The following SYT7 variants were observed in gnomAD, a reference collection of about 807,000 sequenced individuals.
SYT7 encodes synaptotagmin-7.
Under a neutral mutation model 75.1 loss-of-function variants are expected in SYT7, and 29 were observed. The ratio of observed to expected loss-of-function variants is 0.39; its 90% confidence interval spans 0.29 to 0.53. The LOEUF (loss-of-function observed/expected upper bound fraction) is 0.53, where lower values mean the gene tolerates loss of function less well. Among genes scored for constraint, SYT7 ranks in the 20% least tolerant of loss-of-function variants. The pLI is 0.77. For synonymous variants in SYT7, 376 were observed against 401.7 expected (o/e 0.94, Z 0.76); for missense variants, 693 against 953.2 (o/e 0.73, Z 3.59).
intron 6 of SYT7, among the ~76,000 whole-genome samples, chr11:61,539,235 G>T (rs914881149): frequency 6.6e-6 from 1 of 152,170 alleles, no homozygotes; most frequent in Non-Finnish European, 1.5e-5. Context: ...ACGGGGAGGG[G>T]GTAGGCAAGA....
intron 7 of SYT7, among the ~76,000 whole-genome samples, chr11:61,535,090 C>CAGAGAGACAGAGGTGAGAGGCACAG (rs2062829745): frequency 1.3e-5 from 2 of 152,130 alleles, no homozygotes; most frequent in African/African-American, 4.8e-5. Flanking sequence ...GGTCACAGGA[C>CAGAGAGACAGAGGTGAGAGGCACAG]AGAGAGACAG....
Position 61,523,728 on chromosome 11 carries a change from G to A in SYT7, c.1756+99C>T. 4 of 1,263,764 alleles carry A rather than the reference G, an allele frequency of 3.2e-6. No individual in the cohort carries two copies. The highest frequency in any genetic ancestry group is 4.5e-6 in the Non-Finnish European group (4 of 887,338). 78.3% of individuals were successfully genotyped at this position (1,263,764 alleles called of 1,614,324 possible). A position where few individuals can be genotyped will look rare whatever the true frequency, so the allele number is the denominator to read the frequency against. On this transcript the variant is annotated intron_variant, in intron 11 of 12. Transcript: ENST00000539008. The surrounding 1 kb of genome is among the most constrained non-coding windows in gnomAD (Gnocchi z 5.0). The stretch of plus-strand genomic sequence containing the variant: ...GGAGGTCGGGGTGTGGCGGGTTGGG[G>A]TGAGGACCACTGCAGACCCTGCTCT...
intron 8 of SYT7, among the ~76,000 whole-genome samples, chr11:61,532,263 T>G (rs79977348): frequency 1.3e-5 from 2 of 152,346 alleles, no homozygotes; most frequent in East Asian, 3.9e-4. Flanking sequence ...ACTTCTGAGC[T>G]AATCCCCAGT....
chr11:61,529,545 A>G (rs1287361847), intron 8 of SYT7, among the ~76,000 whole-genome samples: 1 of 152,108 alleles, frequency 6.6e-6, no homozygotes, highest in African/African-American at 2.4e-5. Flanking sequence ...AAGCAGGCCC[A>G]CACCCCAGGG....
At chr11:61,579,913 C>T (rs933544020) in intron 1 of SYT7, among the ~76,000 whole-genome samples, 2 of 152,210 alleles carry the variant, frequency 1.3e-5, no homozygotes, top group Non-Finnish European at 2.9e-5. Context: ...TGGGCAGGAG[C>T]TGCAGGGGAC....
Position 61,551,374 on chromosome 11 carries a change from T to C in SYT7, c.215+10A>G. ...GTGGCCCCATCCCAAACTAGCAGCC[T>C]GGCACCTACTTGATAGCCTTCTTCT... On this transcript the variant is annotated intron_variant, in intron 3 of 12. Coordinates refer to ENST00000539008, the MANE Select transcript of SYT7 (RefSeq NM_001365809.2). The surrounding 1 kb of genome is among the most constrained non-coding windows in gnomAD (Gnocchi z 5.3). The C allele has an allele frequency of 3.1e-6, 5 of 1,613,616 alleles. No homozygotes were observed. The highest frequency in any genetic ancestry group is 4.2e-6 in the Non-Finnish European group (5 of 1,179,870).
intron 3 of SYT7, among the ~76,000 whole-genome samples, chr11:61,548,967 G>A (rs887194487): frequency 1.3e-5 from 2 of 152,196 alleles, no homozygotes; most frequent in African/African-American, 4.8e-5. Flanking sequence ...GGTGGGTATG[G>A]AGGAGGCAGG....
intron 5 of SYT7, among the ~76,000 whole-genome samples, chr11:61,543,772 T>A (rs1211014997): frequency 6.6e-6 from 1 of 152,250 alleles, no homozygotes; most frequent in Non-Finnish European, 1.5e-5. Flanking sequence ...CTTCATGCGC[T>A]GGCTGGAGAT....
At chr11:61,554,898 C>T (rs1055443405) in intron 2 of SYT7, among the ~76,000 whole-genome samples, 3 of 151,620 alleles carry the variant, frequency 2.0e-5, no homozygotes, top group Non-Finnish European at 3.0e-5. Context: ...CCCCAGGGGT[C>T]GGAGCTGCCT....
intron 1 of SYT7, among the ~76,000 whole-genome samples, chr11:61,565,534 C>T (rs1241225657): frequency 2.0e-4 from 30 of 152,340 alleles, no homozygotes; most frequent in East Asian, 1.9e-4. Context: ...TTCCAGGCCA[C>T]CCACCTGGGG....
chr11:61,559,730 A>G (rs151253676), intron 1 of SYT7, among the ~76,000 whole-genome samples: 272 of 152,234 alleles, frequency 1.8e-3, no homozygotes, highest in African/African-American at 6.4e-3. Context: ...ATCCTTCTCA[A>G]AAACCATCCT....
intron 7 of SYT7, among the ~76,000 whole-genome samples, chr11:61,536,854 C>A (rs2062884041): frequency 1.3e-5 from 2 of 152,198 alleles, no homozygotes; most frequent in African/African-American, 4.8e-5. Flanking sequence ...CCTTCTGGCC[C>A]CTAGGGGCCT....
In SYT7 at chr11:61,542,391, G is replaced by A. The variant is rs775612933; in HGVS notation, c.761C>T (p.Ala254Val). The change falls in exon 6 of 13, where the codon GCC becomes GTC. Residue 254 changes from alanine to valine, a missense_variant. Ala to Val is a moderately conservative substitution (Grantham distance 64). Transcript: ENST00000539008. This position sits in a 1 kb window ranked among gnomAD's most constrained non-coding sequence, Gnocchi z 7.8. ...GGGGCCTGGTGCCGAGGCCATGTGGGCCTGCAGCTGGCCCAGGCTCTGGCT... is the reference window on the plus strand; with the variant it reads ...GGGGCCTGGTGCCGAGGCCATGTGGACCTGCAGCTGGCCCAGGCTCTGGCT... ...TTSQSLGQLQ[A>V]HMASAPGPNP... The A allele has an allele frequency of 2.6e-6, 4 of 1,531,522 alleles. No individual in the cohort carries two copies. Among genetic ancestry groups the A allele is most frequent in the Middle Eastern group, 2.1e-4 (1 of 4,676 alleles). The allele number at this position is 1,531,522 out of a possible 1,614,324, so 94.9% of individuals were successfully genotyped here.
intron 1 of SYT7, among the ~76,000 whole-genome samples, chr11:61,569,035 A>C: frequency 6.6e-6 from 1 of 152,158 alleles, no homozygotes; most frequent in East Asian, 1.9e-4. Flanking sequence ...GGGACAAGCC[A>C]GGCAGGGAGT....
In SYT7 at chr11:61,528,285, C is replaced by A. The variant is rs2062591742; in HGVS notation, c.1201-100G>T. On this transcript the variant is annotated intron_variant, in intron 8 of 12. Coordinates refer to ENST00000539008, the MANE Select transcript of SYT7 (RefSeq NM_001365809.2). ...GGGTGAGAGGCCAGAGGCGGTGGCC[C>A]AGCCCACACTCACATCCCACGGACG... 8 of 1,429,254 alleles carry A rather than the reference C, an allele frequency of 5.6e-6. No individual in the cohort carries two copies. In the East Asian group the frequency reaches 1.8e-4, roughly 33 times the overall value. 88.5% of individuals were successfully genotyped at this position (1,429,254 alleles called of 1,614,324 possible). A position where few individuals can be genotyped will look rare whatever the true frequency, so the allele number is the denominator to read the frequency against.
At chr11:61,555,958 G>A (rs1377415893) in intron 2 of SYT7, 146 bp downstream of exon 2, 4 of 685,316 alleles carry the variant, frequency 5.8e-6, no homozygotes, top group South Asian at 1.9e-5. Context: ...AATTTCTATG[G>A]AAGTGCCCCT....
At position 61,580,508 on chromosome 11, in the gene SYT7, C is replaced by CA. The variant is rs2064226998; in HGVS notation, c.31+281dup. ...GGCAGCGGCTCCTCGCTCCGCCACA[C>CA]ACGTTGTCCTTGGGCTGTTGAGGGG... On this transcript the variant is annotated intron_variant, in intron 1 of 12. Transcript: ENST00000539008. The surrounding 1 kb of genome is among the most constrained non-coding windows in gnomAD (Gnocchi z 6.1). Among the ~76,000 whole-genome samples the CA allele has an allele frequency of 6.6e-6, 1 of 152,180 alleles. No individual in the cohort carries two copies. Among genetic ancestry groups the CA allele is most frequent in the African/African-American group, 2.4e-5 (1 of 41,460 alleles).
chr11:61,580,875 G>C lies in SYT7; in HGVS notation c.-55C>G. On this transcript the variant is annotated 5_prime_UTR_variant, in exon 1 of 13. Coordinates refer to ENST00000539008, the MANE Select transcript of SYT7 (RefSeq NM_001365809.2). The surrounding 1 kb of genome is among the most constrained non-coding windows in gnomAD (Gnocchi z 6.1). ...TCCTCAGAGCCGCCCGCGGCCGCGC[G>C]CTGCTCCGCCGCCGCCGCTGGGCAT... 1 of 1,164,884 alleles carries C rather than the reference G, an allele frequency of 8.6e-7. No homozygotes were observed. The highest frequency in any genetic ancestry group is 1.1e-6 in the Non-Finnish European group (1 of 946,238). The allele number at this position is 1,164,884 out of a possible 1,614,324, so 72.2% of individuals were successfully genotyped here. A position where few individuals can be genotyped will look rare whatever the true frequency, so the allele number is the denominator to read the frequency against.
intron 8 of SYT7, 47 bp from the exon 9 acceptor site, chr11:61,528,232 C>T (rs758478457): frequency 1.9e-5 from 30 of 1,589,372 alleles, no homozygotes; most frequent in Non-Finnish European, 2.4e-5. Context: ...GATTCTGCTT[C>T]CCCCATGTCC....
Sources: allele counts gnomAD v4.1 joint callset (sites outside exome capture counted in the v4.1 genomes callset), GRCh38; gene constraint gnomAD v4.1.1; non-coding constraint Gnocchi (gnomAD v3.1); transcripts MANE v1.5; gene names NCBI Gene and HGNC (gene_info 2026-07-23, HGNC 2026-07-21).